The following TMIGD1 variants were observed in gnomAD, a reference collection of about 807,000 sequenced individuals.
TMIGD1 encodes transmembrane and immunoglobulin domain-containing protein 1.
Under a neutral mutation model 27.5 loss-of-function variants are expected in TMIGD1, and 29 were observed. The observed-to-expected ratio is 1.05, with a 90% CI of 0.78 to 1.44. TMIGD1 has a LOEUF of 1.44. Among genes scored for constraint, TMIGD1 ranks in the 40% most tolerant of loss-of-function variants. The pLI is 0.00. For synonymous variants in TMIGD1, 109 were observed against 110.3 expected (o/e 0.99, Z 0.07); for missense variants, 334 against 310.6 (o/e 1.08, Z -0.57).
chr17:30,317,324 G>GCACAGGACACACACC, intron 5 of TMIGD1, 91 bp from the exon 6 acceptor site: 5 of 1,412,830 alleles, frequency 3.5e-6, no homozygotes, highest in Non-Finnish European at 5.0e-6. Flanking sequence ...GGACAGGTGT[G>GCACAGGACACACACC]TGTCCTGTGC....
intron 2 of TMIGD1, among the ~76,000 whole-genome samples, chr17:30,330,097 C>T (rs1170093689): frequency 6.6e-6 from 1 of 151,832 alleles, no homozygotes; most frequent in Non-Finnish European, 1.5e-5. Context: ...AAAAAAAGTA[C>T]TGATGCCTGA....
chr17:30,325,978 G>T (rs1295824208), intron 3 of TMIGD1, among the ~76,000 whole-genome samples: 1 of 152,302 alleles, frequency 6.6e-6, no homozygotes, highest in South Asian at 2.1e-4. Context: ...TAATGAAATG[G>T]TTGGAGAGTG....
intron 3 of TMIGD1, among the ~76,000 whole-genome samples, chr17:30,327,136 G>GTAGAAACA (rs1909809140): frequency 1.3e-5 from 2 of 152,082 alleles, no homozygotes; most frequent in Admixed American, 6.6e-5. Context: ...AGTGGATTGA[G>GTAGAAACA]GCTAGAAAAC....
chr17:30,325,525 G>A (rs1371714772), intron 3 of TMIGD1, among the ~76,000 whole-genome samples: 1 of 151,908 alleles, frequency 6.6e-6, no homozygotes, highest in Non-Finnish European at 1.5e-5. Context: ...CTGTGACTTT[G>A]AGACAGTTAA....
Position 30,329,401 on chromosome 17 carries a change from C to T in TMIGD1, c.211G>A (p.Glu71Lys), listed in dbSNP as rs140052259. 2 of 1,614,106 alleles carry T rather than the reference C, an allele frequency of 1.2e-6. No individual in the cohort carries two copies. The highest frequency in any genetic ancestry group is 1.7e-6 in the Non-Finnish European group (2 of 1,180,050). Residue 71 changes from glutamate to lysine, a missense_variant, in exon 3 of 7, where the codon GAG becomes AAG. Glu to Lys is a moderately conservative substitution (Grantham distance 56). Transcript: ENST00000328886. ...REEELLWYRE[E>K]GRVDLKSGNK... ...CCAGATTTCAAATCCACTCTCCCCT[C>T]CTCTCGGTACCAGAGCAGTTCTTCC...
chr17:30,333,508 C>T lies in TMIGD1; in HGVS notation c.-26+492G>A, dbSNP rs538616818. Reference sequence around the variant, plus strand: ...GTTAATCTTTTCCAGTCCCTGGCCACTGGGAGTTCTCTCCCCTTAACACCA... The same window carrying T: ...GTTAATCTTTTCCAGTCCCTGGCCATTGGGAGTTCTCTCCCCTTAACACCA... On this transcript the variant is annotated intron_variant, in intron 1 of 6. Transcript: ENST00000328886. Among the ~76,000 whole-genome samples the T allele has an allele frequency of 3.3e-5, 5 of 152,076 alleles. No individual in the cohort carries two copies. The East Asian group carries it at 9.7e-4, about 29-fold the overall frequency.
intron 2 of TMIGD1, 53 bp from the exon 3 acceptor site, chr17:30,329,582 C>G: frequency 6.7e-7 from 1 of 1,486,874 alleles, no homozygotes; most frequent in Non-Finnish European, 9.2e-7. Flanking sequence ...AACCTTAATG[C>G]TCATGAACAG....
chr17:30,329,922 T>TA (rs113870371), intron 2 of TMIGD1, among the ~76,000 whole-genome samples: 58,403 of 145,716 alleles, frequency 0.4, 11,535 homozygotes, highest in Admixed American at 0.44. Flanking sequence ...AATAAAAAAA[T>TA]AAAAAAAAAA....
chr17:30,320,325 C>T (rs1447170940), intron 4 of TMIGD1, among the ~76,000 whole-genome samples: 3 of 152,012 alleles, frequency 2.0e-5, no homozygotes, highest in Non-Finnish European at 2.9e-5. Flanking sequence ...TATGAGCCAC[C>T]GCACCGGGCC....
chr17:30,321,140 G>A (rs1300663893), intron 4 of TMIGD1, among the ~76,000 whole-genome samples: 1 of 151,282 alleles, frequency 6.6e-6, no homozygotes, highest in East Asian at 1.9e-4. Flanking sequence ...TTATAGGTGT[G>A]AGCCACCATG....
intron 5 of TMIGD1, among the ~76,000 whole-genome samples, chr17:30,317,879 G>T (rs911110956): frequency 6.6e-6 from 1 of 152,020 alleles, no homozygotes; most frequent in African/African-American, 2.4e-5. Flanking sequence ...AGACCAGCCT[G>T]GGCAACATGG....
intron 6 of TMIGD1, 191 bp downstream of exon 6, chr17:30,317,002 T>C (rs184055180): frequency 1.5e-6 from 1 of 671,476 alleles, no homozygotes; most frequent in Admixed American, 2.5e-5. Context: ...ACTAAAGGTG[T>C]TCTCTATTCT....
intron 4 of TMIGD1, among the ~76,000 whole-genome samples, chr17:30,321,737 T>C (rs1909628099): frequency 1.3e-5 from 2 of 152,170 alleles, no homozygotes; most frequent in African/African-American, 4.8e-5. Context: ...TAGGTAAATT[T>C]AATTTCAAAG....
Position 30,316,588 on chromosome 17 carries a change from G to T in TMIGD1, c.*99C>A. On this transcript the variant is annotated 3_prime_UTR_variant, in exon 7 of 7. Transcript: ENST00000328886. ...GTGATTAATGAAACAGGAGTGACAG[G>T]AGTGAATTTAATAATAGCAATAAAT... 8.3e-7 allele frequency: 1 copy of T among 1,203,002 alleles called. No individual in the cohort carries two copies. The highest frequency in any genetic ancestry group is 1.2e-6 in the Non-Finnish European group (1 of 825,522). 74.5% of individuals were successfully genotyped at this position (1,203,002 alleles called of 1,614,324 possible).
In TMIGD1 at chr17:30,332,001, A is replaced by C. The variant is rs117221215; in HGVS notation, c.82+51T>G. 29,821 of 1,324,502 alleles carry C rather than the reference A, an allele frequency of 0.023. 501 individuals are homozygous for C. The highest frequency in any genetic ancestry group is 0.03 in the Admixed American group (1,674 of 55,054). 82.0% of individuals were successfully genotyped at this position (1,324,502 alleles called of 1,614,324 possible). Reference sequence around the variant, plus strand: ...CAATGCCCATTGATCACTTTTCTTAATCGGAAATTTTTCTTTATCTAAAAA... The same window carrying C: ...CAATGCCCATTGATCACTTTTCTTACTCGGAAATTTTTCTTTATCTAAAAA... On this transcript the variant is annotated intron_variant, in intron 2 of 6. Transcript: ENST00000328886.
At chr17:30,331,038 C>G (rs1909959773) in intron 2 of TMIGD1, among the ~76,000 whole-genome samples, 1 of 151,842 alleles carries the variant, frequency 6.6e-6, no homozygotes, top group Non-Finnish European at 1.5e-5. Flanking sequence ...ACTAAAAATA[C>G]AAAAAAATTA....
In TMIGD1 at chr17:30,329,371, TG is replaced by T. The variant is rs764024298; in HGVS notation, c.240del (p.Asn80LysfsTer38). On this transcript the variant is annotated frameshift_variant, in exon 3 of 7. Coordinates refer to ENST00000328886, the MANE Select transcript of TMIGD1 (RefSeq NM_206832.3). LOFTEE classifies it high-confidence loss of function. Reference protein sequence around the residue: ...EEGRVDLKSGNKINSSSVCVS... With the variant: ...EEGRVDLKSGXKINSSSVCVS... ...ACACAGACAGAGCTGGAATTGATTT[TG>T]TTTCCAGATTTCAAATCCACTCTCC... is the stretch of plus-strand genomic sequence containing the variant. 4.3e-6 allele frequency: 7 copies of T among 1,614,174 alleles called. No individual in the cohort carries two copies. Among genetic ancestry groups the T allele is most frequent in the Non-Finnish European group, 5.9e-6 (7 of 1,180,012 alleles).
Position 30,324,813 on chromosome 17 carries a change from T to G in TMIGD1, c.640+3A>C. The G allele has an allele frequency of 6.2e-7, 1 of 1,613,354 alleles. No homozygotes were observed. Among genetic ancestry groups the G allele is most frequent in the Non-Finnish European group, 8.5e-7 (1 of 1,179,320 alleles). On this transcript the variant is annotated splice_donor_region_variant and intron_variant, in intron 4 of 6. Transcript: ENST00000328886. Reference sequence around the variant, plus strand: ...GCTGGGTATTACTTAAAAAGAGCATTACCTTTAACAATCAGGTGAAAGTCC... The same window carrying G: ...GCTGGGTATTACTTAAAAAGAGCATGACCTTTAACAATCAGGTGAAAGTCC...
chr17:30,320,371 G>A (rs993829785), intron 4 of TMIGD1, among the ~76,000 whole-genome samples: 3 of 152,052 alleles, frequency 2.0e-5, no homozygotes, highest in African/African-American at 7.2e-5. Context: ...TATAGGCATA[G>A]TGCCTGTGTT....
Sources: gnomAD v4.1 joint callset for allele counts (sites outside exome capture counted in the v4.1 genomes callset) on GRCh38, gnomAD v4.1.1 for gene constraint, MANE v1.5 for transcripts, NCBI Gene and HGNC (gene_info 2026-07-23, HGNC 2026-07-21) for gene names.